ITGA2: variants seen among roughly 807,000 people sequenced by gnomAD.
ITGA2 encodes integrin alpha-2.
In ITGA2, 101 loss-of-function variants were observed where a neutral mutation model predicts 146.3. The ratio of observed to expected loss-of-function variants is 0.69; its 90% confidence interval spans 0.59 to 0.81. The LOEUF is 0.81. ITGA2 is among the 40% of genes least tolerant of loss of function. The pLI is 0.00. For missense variants in ITGA2, 1,281 were observed against 1,402.7 expected (o/e 0.91, Z 1.39); for synonymous variants, 477 against 487.1 (o/e 0.98, Z 0.27).
chr5:53,016,778 T>G (rs920126108), intron 1 of ITGA2, among the ~76,000 whole-genome samples: 1 of 152,200 alleles, frequency 6.6e-6, no homozygotes, highest in Non-Finnish European at 1.5e-5. Context: ...GAGGTTTTGT[T>G]CATTCTTTTT....
chr5:53,044,104 ATCTC>A (rs1373125937), intron 3 of ITGA2, among the ~76,000 whole-genome samples: 1 of 151,642 alleles, frequency 6.6e-6, no homozygotes, highest in Non-Finnish European at 1.5e-5. Flanking sequence ...GTGAAACCCC[ATCTC>A]TACTAAAATA....
chr5:53,090,636 C>T lies in ITGA2; in HGVS notation c.*37C>T. 1.3e-6 allele frequency: 2 copies of T among 1,526,934 alleles called. No individual in the cohort carries two copies. The highest frequency in any genetic ancestry group is 1.8e-6 in the Non-Finnish European group (2 of 1,100,502). 94.6% of individuals were successfully genotyped at this position (1,526,934 alleles called of 1,614,324 possible). A position where few individuals can be genotyped will look rare whatever the true frequency, so the allele number is the denominator to read the frequency against. On this transcript the variant is annotated 3_prime_UTR_variant, in exon 30 of 30. Coordinates refer to ENST00000296585, the MANE Select transcript of ITGA2 (RefSeq NM_002203.4). The stretch of plus-strand genomic sequence containing the variant: ...TACCTGCAGTGGGAACCGGCAGCAT[C>T]CCAGCCAGGGTTTGCTGTTTGCGTG...
At chr5:53,038,888 C>T (rs558101862) in intron 2 of ITGA2, among the ~76,000 whole-genome samples, 4 of 152,186 alleles carry the variant, frequency 2.6e-5, no homozygotes, top group East Asian at 1.9e-4. Flanking sequence ...GTCAGGAGTT[C>T]CAGACCAGCC....
At chr5:53,069,086 A>G (rs970182640) in intron 16 of ITGA2, among the ~76,000 whole-genome samples, 1 of 151,882 alleles carries the variant, frequency 6.6e-6, no homozygotes, top group African/African-American at 2.4e-5. Flanking sequence ...AACATGTAGA[A>G]TTCATGTTTT....
chr5:53,080,657 T>G (rs1223428138), intron 25 of ITGA2, 36 bp downstream of exon 25: 1 of 1,417,668 alleles, frequency 7.1e-7, no homozygotes, highest in Non-Finnish European at 1.0e-6. Context: ...ATGTGTACTT[T>G]CAAGATGTAA....
At chr5:53,004,897 T>G (rs951914151) in intron 1 of ITGA2, among the ~76,000 whole-genome samples, 3 of 12,648 alleles carry the variant, frequency 2.4e-4, no homozygotes, top group Admixed American at 8.2e-4. Flanking sequence ...TTGCTTTGTT[T>G]TTTTTTTTTT....
At chr5:52,994,897 G>T (rs1204090284) in intron 1 of ITGA2, among the ~76,000 whole-genome samples, 2 of 152,114 alleles carry the variant, frequency 1.3e-5, no homozygotes, top group African/African-American at 4.8e-5. Flanking sequence ...GAAGTGTCTA[G>T]CCTCCTGAGA....
At chr5:53,081,273 G>A (rs918182297) in intron 25 of ITGA2, among the ~76,000 whole-genome samples, 1 of 152,052 alleles carries the variant, frequency 6.6e-6, no homozygotes, top group Non-Finnish European at 1.5e-5. Flanking sequence ...TGCATAGGAG[G>A]CTACAGAAAA....
intron 7 of ITGA2, among the ~76,000 whole-genome samples, chr5:53,052,366 T>G (rs1241725076): frequency 2.0e-5 from 3 of 152,066 alleles, no homozygotes; most frequent in African/African-American, 7.2e-5. Context: ...TCTGTTCCTA[T>G]GTAAGTTTGC....
At chr5:53,067,045 C>G in intron 15 of ITGA2, 73 bp from the exon 16 acceptor site, 3 of 1,487,096 alleles carry the variant, frequency 2.0e-6, no homozygotes, top group Non-Finnish European at 2.8e-6. Context: ...GTACTGGGTC[C>G]TCTATGATAA....
rs1469165506 is a variant in ITGA2 at position 53,091,527 on chromosome 5, C to T, written c.*928C>T. The T allele has an allele frequency of 2.0e-5, 3 of 152,174 alleles. No individual in the cohort carries two copies. The East Asian group carries it at 5.8e-4, about 29-fold the overall frequency. 9.4% of individuals were successfully genotyped at this position (152,174 alleles called of 1,614,324 possible). A position where few individuals can be genotyped will look rare whatever the true frequency, so the allele number is the denominator to read the frequency against. On this transcript the variant is annotated 3_prime_UTR_variant, in exon 30 of 30. Transcript: ENST00000296585. ...GAGTAATTTCTTTGGCAACCTTCCT[C>T]CTCCCTTACTGAACCACTCTCCCAC...
chr5:53,067,409 T>A (rs1428151682), intron 16 of ITGA2, 152 bp downstream of exon 16: 2 of 790,886 alleles, frequency 2.5e-6, no homozygotes, highest in Middle Eastern at 3.4e-4. Flanking sequence ...CCGAGAATGG[T>A]TCACTAGTCA....
chr5:53,064,077 G>A (rs938617101), intron 13 of ITGA2, among the ~76,000 whole-genome samples: 12 of 151,830 alleles, frequency 7.9e-5, no homozygotes, highest in African/African-American at 1.9e-4. Flanking sequence ...ACAAGGAAAC[G>A]TCTTTTCCTT....
At chr5:53,044,684 C>A (rs1022348247) in intron 3 of ITGA2, among the ~76,000 whole-genome samples, 1 of 150,980 alleles carries the variant, frequency 6.6e-6, no homozygotes, top group Non-Finnish European at 1.5e-5. Flanking sequence ...AAAAGAGAGG[C>A]AAAAATGATG....
intron 25 of ITGA2, 110 bp downstream of exon 25, chr5:53,080,731 C>T (rs1745882690): frequency 2.5e-6 from 2 of 804,080 alleles, no homozygotes; most frequent in South Asian, 1.4e-5. Context: ...ATGGTAACTC[C>T]TATGCAGCCT....
chr5:53,061,224 C>G (rs1029691742), intron 12 of ITGA2, among the ~76,000 whole-genome samples, 178 bp downstream of exon 12: 13 of 151,890 alleles, frequency 8.6e-5, no homozygotes, highest in Non-Finnish European at 1.0e-4. Flanking sequence ...GAAGACAGCC[C>G]TCCCTTTTGA....
intron 2 of ITGA2, among the ~76,000 whole-genome samples, chr5:53,029,006 T>C (rs1413691309): frequency 6.6e-6 from 1 of 152,168 alleles, no homozygotes; most frequent in Non-Finnish European, 1.5e-5. Context: ...GAACGGTGGC[T>C]CATACCTGTA....
chr5:53,004,249 A>G (rs1043370392), intron 1 of ITGA2, among the ~76,000 whole-genome samples: 5 of 152,212 alleles, frequency 3.3e-5, no homozygotes, highest in African/African-American at 1.2e-4. Flanking sequence ...GTTCATGGCA[A>G]CATAAAAGAG....
chr5:53,055,087 C>T (rs1179733879), intron 7 of ITGA2, among the ~76,000 whole-genome samples: 2 of 151,986 alleles, frequency 1.3e-5, no homozygotes, highest in East Asian at 1.9e-4. Flanking sequence ...GGTTTAGTGT[C>T]ACATTTGGTT....
Sources: gnomAD v4.1 joint callset for allele counts (sites outside exome capture counted in the v4.1 genomes callset) on GRCh38, gnomAD v4.1.1 for gene constraint, MANE v1.5 for transcripts, NCBI Gene and HGNC (gene_info 2026-07-23, HGNC 2026-07-21) for gene names.